Variants in MPPED1 observed in about 807,000 individuals in gnomAD.
MPPED1 encodes the protein metallophosphoesterase domain-containing protein 1.
In MPPED1, 16 loss-of-function variants were observed where a neutral mutation model predicts 36.2. The ratio of observed to expected loss-of-function variants is 0.44; its 90% CI spans 0.30 to 0.67. MPPED1 has a LOEUF of 0.67. Among genes scored for constraint, MPPED1 ranks in the 30% least tolerant of loss-of-function variants. MPPED1 has a pLI of 0.10. For missense variants in MPPED1, 307 were observed against 453.4 expected (o/e 0.68, Z 2.93); for synonymous variants, 199 against 191.3 (o/e 1.04, Z -0.33).
At chr22:43,469,991 A>G (rs1156265942) in intron 3 of MPPED1, among the ~76,000 whole-genome samples, 1 of 151,846 alleles carries the variant, frequency 6.6e-6, no homozygotes, top group Non-Finnish European at 1.5e-5. Context: ...CTACCCACCC[A>G]CCAACCCATC....
At chr22:43,458,747 T>C (rs904757536) in intron 3 of MPPED1, among the ~76,000 whole-genome samples, 4 of 152,260 alleles carry the variant, frequency 2.6e-5, no homozygotes, top group South Asian at 2.1e-4. Flanking sequence ...AGTTTGTTTC[T>C]GTTTATCTGG....
intron 3 of MPPED1, among the ~76,000 whole-genome samples, chr22:43,443,761 C>T (rs553141886): frequency 3.3e-5 from 5 of 152,082 alleles, no homozygotes; most frequent in African/African-American, 7.2e-5. Flanking sequence ...TCTGTTGCTA[C>T]GGCCTGATTC....
chr22:43,496,501 A>G (rs1215688809), intron 4 of MPPED1, among the ~76,000 whole-genome samples: 42 of 8,994 alleles, frequency 4.7e-3, no homozygotes, highest in Non-Finnish European at 6.0e-3. Context: ...TGGTGGAGGT[A>G]GTGGTGGTGG....
intron 1 of MPPED1, among the ~76,000 whole-genome samples, chr22:43,413,379 CAA>C (rs569176150): frequency 9.0e-6 from 1 of 111,690 alleles, no homozygotes; most frequent in Admixed American, 8.9e-5. Context: ...CTGGACTTTG[CAA>C]AAAAAAAAAA....
intron 1 of MPPED1, 25 bp from the exon 2 acceptor site, chr22:43,424,883 G>A (rs142777213): frequency 5.3e-6 from 8 of 1,497,576 alleles, no homozygotes; most frequent in South Asian, 2.5e-5. Context: ...ATTAACTGTC[G>A]CACGGTTCTG....
At chr22:43,441,361 T>A (rs1930142213) in intron 3 of MPPED1, among the ~76,000 whole-genome samples, 1 of 152,230 alleles carries the variant, frequency 6.6e-6, no homozygotes, top group South Asian at 2.1e-4. Flanking sequence ...GCCCACTGTG[T>A]CACCTGCTGA....
At chr22:43,447,179 T>A (rs913223539) in intron 3 of MPPED1, among the ~76,000 whole-genome samples, 1 of 152,198 alleles carries the variant, frequency 6.6e-6, no homozygotes, top group Non-Finnish European at 1.5e-5. Context: ...GCCGCTTCTC[T>A]CCAGCTCATT....
At chr22:43,482,409 G>C (rs1931778738) in intron 4 of MPPED1, among the ~76,000 whole-genome samples, 1 of 152,050 alleles carries the variant, frequency 6.6e-6, no homozygotes, top group Non-Finnish European at 1.5e-5. Flanking sequence ...CTCCCGGCAG[G>C]GCTGGACCTC....
At position 43,495,468 on chromosome 22, in the gene MPPED1, T is replaced by A. The variant is rs572388574; in HGVS notation, c.633-2767T>A. Among the ~76,000 whole-genome samples the A allele has an allele frequency of 2.9e-5, 4 of 138,428 alleles. 1 individual carries two copies. The South Asian group carries it at 7.5e-4, about 26-fold the overall frequency. The allele number at this position is 138,428 out of a possible 152,430, so 90.8% of individuals were successfully genotyped here. On this transcript the variant is annotated intron_variant, in intron 4 of 6. Transcript: ENST00000443721. ...ATGGAGGTGGTGGTGGAAGTGCTGGTGATGGTGGAGGTGGTGGTGGAGGTA... is the reference window on the plus strand; with the variant it reads ...ATGGAGGTGGTGGTGGAAGTGCTGGAGATGGTGGAGGTGGTGGTGGAGGTA...
intron 2 of MPPED1, among the ~76,000 whole-genome samples, chr22:43,426,984 G>A (rs933507154): frequency 2.0e-5 from 3 of 152,232 alleles, no homozygotes; most frequent in Non-Finnish European, 4.4e-5. Flanking sequence ...TCCCTGGGCT[G>A]GGTTTTGTCT....
At chr22:43,467,801 A>G (rs565293311) in intron 3 of MPPED1, among the ~76,000 whole-genome samples, 16 of 152,212 alleles carry the variant, frequency 1.1e-4, no homozygotes, top group African/African-American at 3.9e-4. Flanking sequence ...CATTTAGAGA[A>G]CGCTAAAACT....
chr22:43,417,416 G>T (rs1929111827), intron 1 of MPPED1, among the ~76,000 whole-genome samples: 1 of 147,622 alleles, frequency 6.8e-6, no homozygotes, highest in Admixed American at 6.7e-5. Flanking sequence ...TCCCATTGGG[G>T]TATTTGCTTC....
At chr22:43,428,745 T>G (rs558861467) in intron 2 of MPPED1, among the ~76,000 whole-genome samples, 2 of 152,062 alleles carry the variant, frequency 1.3e-5, no homozygotes, top group Non-Finnish European at 2.9e-5. Context: ...CGCCTTTGCT[T>G]GGGTAATGAA....
chr22:43,495,288 TGGTGATGGA>T (rs1292124441), intron 4 of MPPED1, among the ~76,000 whole-genome samples: 1 of 138,846 alleles, frequency 7.2e-6, no homozygotes, highest in East Asian at 2.2e-4. Context: ...GTGATGGAGG[TGGTGATGGA>T]GGTGATGGTG....
intron 4 of MPPED1, among the ~76,000 whole-genome samples, chr22:43,497,011 GGT>G (rs1932425639): frequency 2.2e-5 from 3 of 138,412 alleles, no homozygotes; most frequent in African/African-American, 8.3e-5. Flanking sequence ...TGGTGGTGGA[GGT>G]AGTGGTGGTG....
rs1375450194 is a variant in MPPED1, at chr22:43,502,140, T to C, written c.749-504T>C. Among the ~76,000 whole-genome samples the C allele has an allele frequency of 6.6e-6, 1 of 152,128 alleles. No individual in the cohort carries two copies. The highest frequency in any genetic ancestry group is 2.4e-5 in the African/African-American group (1 of 41,434). ...GCGATGCTGCACCCACGGAGGAAGT[T>C]TCTGCTCATGAGTCTGTGCTGTTTA... On this transcript the variant is annotated intron_variant, in intron 5 of 6. Transcript: ENST00000443721. This position sits in a 1 kb window ranked among gnomAD's most constrained non-coding sequence, Gnocchi z 5.5.
chr22:43,500,326 T>G (rs796198782), intron 5 of MPPED1, among the ~76,000 whole-genome samples: 125 of 117,306 alleles, frequency 1.1e-3, no homozygotes, highest in South Asian at 2.5e-3. Flanking sequence ...GTGGTGATGG[T>G]GGTGGTGGAG....
intron 2 of MPPED1, among the ~76,000 whole-genome samples, chr22:43,430,704 A>G (rs1168513370): frequency 6.6e-6 from 1 of 152,158 alleles, no homozygotes; most frequent in Non-Finnish European, 1.5e-5. Flanking sequence ...TGGTCCCTGC[A>G]GAATGTCACT....
chr22:43,440,279 T>A (rs28673361), intron 3 of MPPED1, among the ~76,000 whole-genome samples: 10 of 152,048 alleles, frequency 6.6e-5, no homozygotes, highest in African/African-American at 2.4e-4. Context: ...CACACACGAC[T>A]TGGGAAGTGA....
Sources: gnomAD v4.1 joint callset for allele counts (sites outside exome capture counted in the v4.1 genomes callset) on GRCh38, gnomAD v4.1.1 for gene constraint, Gnocchi (gnomAD v3.1) non-coding constraint, MANE v1.5 for transcripts, NCBI Gene and HGNC (gene_info 2026-07-23, HGNC 2026-07-21) for gene names.